The following ANGPTL5 variants were observed in gnomAD, a reference collection of about 807,000 sequenced individuals.
ANGPTL5 encodes angiopoietin like 5.
In ANGPTL5, 34 loss-of-function variants were observed where a neutral mutation model predicts 39.4. The ratio of observed to expected loss-of-function variants is 0.86; its 90% CI spans 0.66 to 1.15. The LOEUF (loss-of-function observed/expected upper bound fraction) is 1.15. ANGPTL5 is among the 50% of genes most tolerant of loss of function. The pLI is 0.00. For missense variants in ANGPTL5, 467 were observed against 457.5 expected (o/e 1.02, Z -0.19); for synonymous variants, 146 against 152.1 (o/e 0.96, Z 0.29).
rs537889105 is a variant in ANGPTL5, at chr11:101,900,356, T to G, written c.661+74A>C. 102 of 1,464,612 alleles carry G rather than the reference T, an allele frequency of 7.0e-5. 3 individuals are homozygous for G. In the South Asian group the frequency reaches 1.1e-3, roughly 16 times the overall value. The allele number at this position is 1,464,612 out of a possible 1,614,324, so 90.7% of individuals were successfully genotyped here. A position where few individuals can be genotyped will look rare whatever the true frequency, so the allele number is the denominator to read the frequency against. On this transcript the variant is annotated intron_variant, in intron 7 of 8. Transcript: ENST00000334289. Reference sequence around the variant, plus strand: ...GCATTTGCTATTTTTACTACAGATCTGACCAATAGAGGCTCTATAGATATA... The same window carrying G: ...GCATTTGCTATTTTTACTACAGATCGGACCAATAGAGGCTCTATAGATATA...
At chr11:101,905,929 A>AT in intron 3 of ANGPTL5, 82 bp from the exon 4 acceptor site, 1 of 784,644 alleles carries the variant, frequency 1.3e-6, no homozygotes. Context: ...ATTTTACCTG[A>AT]TTTTGGATAT....
Position 101,895,084 on chromosome 11 carries a change from T to C in ANGPTL5, c.662-20A>G. ...ATTCTCCTGTAAAAAAAATGCTTTG[T>C]TTTAATATATTTTAATACAAATTAG... On this transcript the variant is annotated intron_variant, in intron 7 of 8. Coordinates refer to ENST00000334289, the MANE Select transcript of ANGPTL5 (RefSeq NM_178127.5). 7.0e-7 allele frequency: 1 copy of C among 1,430,076 alleles called. No homozygotes were observed. Among genetic ancestry groups the C allele is most frequent in the Non-Finnish European group, 9.6e-7 (1 of 1,038,862 alleles). The allele number at this position is 1,430,076 out of a possible 1,614,324, so 88.6% of individuals were successfully genotyped here.
At chr11:101,908,869 C>G (rs117906276) in intron 1 of ANGPTL5, among the ~76,000 whole-genome samples, 4,411 of 150,540 alleles carry the variant, frequency 0.029, 77 homozygotes, top group Middle Eastern at 0.034. Flanking sequence ...TTTGTTAAAA[C>G]TGTAAAAATT....
chr11:101,912,659 A>G (rs1204241756), intron 1 of ANGPTL5, among the ~76,000 whole-genome samples: 2 of 152,236 alleles, frequency 1.3e-5, no homozygotes, highest in Non-Finnish European at 2.9e-5. Context: ...CAATATTTGA[A>G]TGAAGAATAA....
chr11:101,911,937 TCTTTC>T (rs1940097976), intron 1 of ANGPTL5, among the ~76,000 whole-genome samples: 2 of 152,328 alleles, frequency 1.3e-5, no homozygotes, highest in African/African-American at 4.8e-5. Context: ...AATGGCAACC[TCTTTC>T]CTTCATTCAG....
chr11:101,904,742 G>T, intron 5 of ANGPTL5, 72 bp downstream of exon 5: 2 of 1,337,458 alleles, frequency 1.5e-6, no homozygotes, highest in East Asian at 2.3e-5. Context: ...CTTTTAAATG[G>T]ATCGACCTGT....
At chr11:101,907,271 AG>A (rs1477388693) in intron 2 of ANGPTL5, 24 bp from the exon 3 acceptor site, 10 of 1,349,222 alleles carry the variant, frequency 7.4e-6, no homozygotes, top group Non-Finnish European at 1.0e-5. Context: ...AATAGAAATA[AG>A]AAAAAAATAC....
At chr11:101,900,644 G>A in intron 6 of ANGPTL5, 94 bp from the exon 7 acceptor site, 1 of 1,354,370 alleles carries the variant, frequency 7.4e-7, no homozygotes, top group Non-Finnish European at 1.0e-6. Flanking sequence ...CTTAGAAAAA[G>A]AGACGGTACT....
At chr11:101,891,869 A>G (rs1236929323) in intron 8 of ANGPTL5, among the ~76,000 whole-genome samples, 1 of 152,204 alleles carries the variant, frequency 6.6e-6, no homozygotes, top group Non-Finnish European at 1.5e-5. Context: ...AAACCAGATA[A>G]TTTAGGCCAA....
chr11:101,910,451 AT>A (rs1940074141), intron 1 of ANGPTL5, among the ~76,000 whole-genome samples: 1 of 149,282 alleles, frequency 6.7e-6, no homozygotes, highest in Non-Finnish European at 1.5e-5. Flanking sequence ...ATATATTCAA[AT>A]TAGATAAGTT....
chr11:101,892,629 G>A (rs915835466), intron 8 of ANGPTL5, among the ~76,000 whole-genome samples: 1 of 152,122 alleles, frequency 6.6e-6, no homozygotes, highest in African/African-American at 2.4e-5. Flanking sequence ...GCAGGAGCAG[G>A]AGTCATATTT....
Position 101,910,427 on chromosome 11 carries a change from ATAT to A in ANGPTL5, c.-92-2429_-92-2427del, listed in dbSNP as rs1565343630. 2.3e-3 allele frequency among the ~76,000 whole-genome samples: 185 copies of A among 80,268 alleles called. 4 individuals carry two copies. The South Asian group carries it at 0.048, about 21-fold the overall frequency. 52.7% of individuals were successfully genotyped at this position (80,268 alleles called of 152,430 possible). A position where few individuals can be genotyped will look rare whatever the true frequency, so the allele number is the denominator to read the frequency against. ...CTCCGTCTCAAAAAAAAAAAAAAATATATATATATATATATATATTCAAATTAG... is the reference window on the plus strand; with the variant it reads ...CTCCGTCTCAAAAAAAAAAAAAAATAATATATATATATATATTCAAATTAG... On this transcript the variant is annotated intron_variant, in intron 1 of 8. Coordinates refer to ENST00000334289, the MANE Select transcript of ANGPTL5 (RefSeq NM_178127.5).
chr11:101,907,320 G>T, intron 2 of ANGPTL5, 73 bp from the exon 3 acceptor site: 1 of 957,540 alleles, frequency 1.0e-6, no homozygotes, highest in East Asian at 2.8e-5. Flanking sequence ...TAATAAAAAA[G>T]ACTATAGAGA....
At chr11:101,911,004 G>A (rs1174095880) in intron 1 of ANGPTL5, among the ~76,000 whole-genome samples, 4 of 145,304 alleles carry the variant, frequency 2.8e-5, no homozygotes, top group East Asian at 2.1e-4. Context: ...AATACAAGTC[G>A]CCACTAAATC....
At chr11:101,914,919 T>C (rs963032323) in intron 1 of ANGPTL5, 1 of 214,628 alleles carries the variant, frequency 4.7e-6, no homozygotes, top group Non-Finnish European at 9.2e-6. Flanking sequence ...CGCTCGAAGC[T>C]GGAGGGGCCG....
chr11:101,913,263 T>C (rs1031134369), intron 1 of ANGPTL5, among the ~76,000 whole-genome samples: 1 of 152,246 alleles, frequency 6.6e-6, no homozygotes, highest in Admixed American at 6.5e-5. Context: ...TAATAGGGCC[T>C]AATTGTAATG....
intron 7 of ANGPTL5, among the ~76,000 whole-genome samples, chr11:101,896,378 C>T (rs1423778827): frequency 6.6e-6 from 1 of 151,442 alleles, no homozygotes; most frequent in East Asian, 1.9e-4. Flanking sequence ...TTTTATTATA[C>T]TTAAGTTCTG....
In ANGPTL5 at chr11:101,916,205, G is replaced by C. The variant is rs1226477776; in HGVS notation, c.-279C>G. The C allele has an allele frequency of 1.3e-5, 2 of 152,194 alleles. No homozygotes were observed. Among genetic ancestry groups the C allele is most frequent in the Admixed American group, 6.5e-5 (1 of 15,280 alleles). The allele number at this position is 152,194 out of a possible 1,614,324, so 9.4% of individuals were successfully genotyped here. A position where few individuals can be genotyped will look rare whatever the true frequency, so the allele number is the denominator to read the frequency against. On this transcript the variant is annotated 5_prime_UTR_variant, in exon 1 of 9. Transcript: ENST00000334289. ...AATCATCTTCAGTCTTGTCAGAGAT[G>C]AGTGTCTTCTCTTTCCAAGTTAACT...
chr11:101,894,960 A>AT lies in ANGPTL5; in HGVS notation c.765_766insA (p.Tyr256IlefsTer5). 1 of 1,612,638 alleles carries AT rather than the reference A, an allele frequency of 6.2e-7. No individual in the cohort carries two copies. The highest frequency in any genetic ancestry group is 8.5e-7 in the Non-Finnish European group (1 of 1,178,798). Reference sequence around the variant, plus strand: ...AGCCAAAAATTATCATATGATGCATAAGCAAGAGTGTCATCTTCAGATTCC... The same window carrying AT: ...AGCCAAAAATTATCATATGATGCATATAGCAAGAGTGTCATCTTCAGATTCC... On this transcript the variant is annotated frameshift_variant, in exon 8 of 9. Transcript: ENST00000334289. LOFTEE classifies it high-confidence loss of function.
Sources: allele counts gnomAD v4.1 joint callset (sites outside exome capture counted in the v4.1 genomes callset), GRCh38; gene constraint gnomAD v4.1.1; transcripts MANE v1.5; gene names NCBI Gene and HGNC (gene_info 2026-07-23, HGNC 2026-07-21).